MAGI1: variants seen among roughly 807,000 people sequenced by gnomAD.
MAGI1 encodes membrane-associated guanylate kinase, WW and PDZ domain-containing protein 1.
MAGI1 carries 58 observed loss-of-function variants against 139.9 expected under a neutral mutation model. The ratio of observed to expected loss-of-function variants is 0.41; its 90% CI spans 0.34 to 0.52. The LOEUF (loss-of-function observed/expected upper bound fraction) is 0.52. Ranked by LOEUF, MAGI1 falls within the 20% of genes least tolerant of loss-of-function variation. MAGI1 has a pLI of 0.12. For missense variants in MAGI1, 1,874 were observed against 1,901.6 expected (o/e 0.99, Z 0.27); for synonymous variants, 812 against 737.9 (o/e 1.10, Z -1.63).
intron 5 of MAGI1, among the ~76,000 whole-genome samples, chr3:65,455,600 G>A (rs1216366675): frequency 3.9e-5 from 6 of 152,182 alleles, no homozygotes; most frequent in African/African-American, 1.4e-4. Context: ...AGCCAGGTGT[G>A]GTGGTGCGCA....
intron 1 of MAGI1, among the ~76,000 whole-genome samples, chr3:65,756,799 A>G (rs754262568): frequency 1.8e-4 from 28 of 152,208 alleles, no homozygotes; most frequent in Non-Finnish European, 3.5e-4. Context: ...TGAAAGCTAT[A>G]CAGCCTCAAC....
chr3:65,537,064 T>G (rs12492434), intron 2 of MAGI1, among the ~76,000 whole-genome samples: 39,113 of 152,108 alleles, frequency 0.26, 5,396 homozygotes, highest in African/African-American at 0.32. Flanking sequence ...TACGGGGGAT[T>G]GCACAGGCTC....
intron 2 of MAGI1, among the ~76,000 whole-genome samples, chr3:65,507,863 T>C (rs184081176): frequency 1.4e-3 from 217 of 151,890 alleles, no homozygotes; most frequent in Non-Finnish European, 1.4e-3. Flanking sequence ...TTCAGTCTCA[T>C]TGTTAAGCCA....
chr3:65,401,187 T>C (rs1321559030), intron 13 of MAGI1, among the ~76,000 whole-genome samples: 10 of 152,046 alleles, frequency 6.6e-5, no homozygotes, highest in Non-Finnish European at 1.5e-4. Flanking sequence ...ATAGAGAAGA[T>C]TTCAAACATG....
chr3:65,687,613 G>A (rs1429593374), intron 1 of MAGI1: 10 of 413,278 alleles, frequency 2.4e-5, no homozygotes, highest in African/African-American at 1.7e-4. Flanking sequence ...TGGATAGGTG[G>A]GATCCTATAA....
intron 3 of MAGI1, among the ~76,000 whole-genome samples, chr3:65,484,323 G>T (rs756356548): frequency 8.5e-5 from 13 of 152,088 alleles, no homozygotes; most frequent in Non-Finnish European, 1.5e-4. Context: ...GTGGGAATTG[G>T]GGGTACTTGT....
At chr3:65,600,488 A>T (rs2082427825) in intron 2 of MAGI1, among the ~76,000 whole-genome samples, 1 of 152,192 alleles carries the variant, frequency 6.6e-6, no homozygotes, top group Non-Finnish European at 1.5e-5. Flanking sequence ...ATCTTGACAC[A>T]CTCAATCTCA....
intron 1 of MAGI1, among the ~76,000 whole-genome samples, chr3:65,760,734 A>C (rs2036954877): frequency 6.6e-6 from 1 of 152,106 alleles, no homozygotes; most frequent in Non-Finnish European, 1.5e-5. Flanking sequence ...CCAGATGGTC[A>C]GGCCGCAAAG....
chr3:65,651,956 C>T (rs995600772), intron 1 of MAGI1, among the ~76,000 whole-genome samples: 1 of 152,148 alleles, frequency 6.6e-6, no homozygotes, highest in Non-Finnish European at 1.5e-5. Context: ...CGTATCTTCT[C>T]TAGCTATTAT....
At chr3:65,808,215 CCTCAGGTGA>C (rs2040999030) in intron 1 of MAGI1, among the ~76,000 whole-genome samples, 1 of 152,106 alleles carries the variant, frequency 6.6e-6, no homozygotes, top group Non-Finnish European at 1.5e-5. Flanking sequence ...AAACTCCCAA[CCTCAGGTGA>C]TCCACCCGCC....
chr3:65,726,458 C>A (rs9872924), intron 1 of MAGI1, among the ~76,000 whole-genome samples: 2 of 151,918 alleles, frequency 1.3e-5, no homozygotes, highest in African/African-American at 4.8e-5. Context: ...CTCTACCAAA[C>A]CTTTGAAAAT....
At chr3:65,851,109 GA>G (rs570424019) in intron 1 of MAGI1, among the ~76,000 whole-genome samples, 1 of 148,544 alleles carries the variant, frequency 6.7e-6, no homozygotes, top group African/African-American at 2.5e-5. Context: ...TTCATCTGGA[GA>G]AAAAAAAAAT....
chr3:65,770,013 A>G (rs2037820976), intron 1 of MAGI1, among the ~76,000 whole-genome samples: 1 of 152,190 alleles, frequency 6.6e-6, no homozygotes, highest in South Asian at 2.1e-4. Flanking sequence ...TTTACGTGCC[A>G]TCTGGGAGGA....
chr3:65,421,903 T>C (rs1041982373), intron 12 of MAGI1, among the ~76,000 whole-genome samples: 3 of 152,164 alleles, frequency 2.0e-5, no homozygotes, highest in African/African-American at 7.2e-5. Context: ...TTACTAAACA[T>C]GGAAATGATG....
chr3:65,576,738 T>A (rs1360561524), intron 2 of MAGI1, among the ~76,000 whole-genome samples: 1 of 152,188 alleles, frequency 6.6e-6, no homozygotes, highest in Non-Finnish European at 1.5e-5. Flanking sequence ...CATAATAAAC[T>A]TGACTTTTTC....
chr3:65,940,293 A>G (rs939770127), intron 1 of MAGI1, among the ~76,000 whole-genome samples: 1 of 152,222 alleles, frequency 6.6e-6, no homozygotes, highest in African/African-American at 2.4e-5. Flanking sequence ...TAGTCCGTTC[A>G]TGTTGCTATA....
At position 65,871,639 on chromosome 3, in the gene MAGI1, G is replaced by A. The variant is rs535127340; in HGVS notation, c.313+166357C>T. Among the ~76,000 whole-genome samples, 100 of 152,314 alleles carry A rather than the reference G, an allele frequency of 6.6e-4. 5 individuals are homozygous for A. The South Asian group carries it at 0.018, about 27-fold the overall frequency. Reference sequence around the variant, plus strand: ...GGAGTGAGGTGGAGGGAAGGAACACGCAGGCTCAGGGATCCGGCTTAGGAA... The same window carrying A: ...GGAGTGAGGTGGAGGGAAGGAACACACAGGCTCAGGGATCCGGCTTAGGAA... On this transcript the variant is annotated intron_variant, in intron 1 of 22. Coordinates refer to ENST00000402939, the MANE Select transcript of MAGI1 (RefSeq NM_001033057.2).
chr3:65,783,144 G>A (rs1420536484), intron 1 of MAGI1, among the ~76,000 whole-genome samples: 1 of 151,402 alleles, frequency 6.6e-6, no homozygotes, highest in Non-Finnish European at 1.5e-5. Flanking sequence ...TAAGTGTCCA[G>A]TGTGCAGAAT....
intron 2 of MAGI1, among the ~76,000 whole-genome samples, chr3:65,507,979 A>ACTT (rs2077369351): frequency 6.6e-6 from 1 of 152,188 alleles, no homozygotes; most frequent in Admixed American, 6.5e-5. Flanking sequence ...ACAGTGAGGA[A>ACTT]CAGAAGCCTG....
Sources: allele counts gnomAD v4.1 joint callset (sites outside exome capture counted in the v4.1 genomes callset), GRCh38; gene constraint gnomAD v4.1.1; transcripts MANE v1.5; gene names NCBI Gene and HGNC (gene_info 2026-07-23, HGNC 2026-07-21).